Variants in DYNLRB1 observed in about 807,000 individuals in gnomAD.
DYNLRB1 encodes ROBL/LC7-like 1.
DYNLRB1 carries 6 observed loss-of-function variants against 13.5 expected under a neutral mutation model. The observed-to-expected ratio is 0.44, with a 90% CI of 0.24 to 0.88. The LOEUF is 0.88. DYNLRB1 is among the 40% of genes least tolerant of loss of function. DYNLRB1 has a pLI of 0.21. For synonymous variants in DYNLRB1, 43 were observed against 45.0 expected (o/e 0.96, Z 0.18); for missense variants, 93 against 127.2 (o/e 0.73, Z 1.29).
chr20:34,529,716 T>G (rs1980551934), intron 2 of DYNLRB1: 34 of 819,426 alleles, frequency 4.1e-5, no homozygotes, highest in South Asian at 5.0e-5. Flanking sequence ...ACGACAAGAA[T>G]GAAACTCGGT....
At chr20:34,530,196 T>C (rs1207647341) in intron 2 of DYNLRB1, 43 of 1,150,994 alleles carry the variant, frequency 3.7e-5, no homozygotes, top group Non-Finnish European at 4.2e-5. Context: ...GCCAAGCCTT[T>C]TCACTGGGAA....
At chr20:34,519,705 T>A (rs1445682220) in intron 1 of DYNLRB1, among the ~76,000 whole-genome samples, 4 of 152,218 alleles carry the variant, frequency 2.6e-5, no homozygotes, top group Non-Finnish European at 5.9e-5. Flanking sequence ...TTCCAGACAC[T>A]GCTGCAGTAA....
chr20:34,540,742 A>G lies in DYNLRB1; in HGVS notation c.*118A>G. The stretch of plus-strand genomic sequence containing the variant: ...GCTTGGAACCCACTCACACCAATCC[A>G]GTGACCGTGTGTGGGCTGGCGGCTC... On this transcript the variant is annotated 3_prime_UTR_variant, in exon 4 of 4. Transcript: ENST00000357156. 9.5e-7 allele frequency: 1 copy of G among 1,056,162 alleles called. No homozygotes were observed. The highest frequency in any genetic ancestry group is 2.5e-5 in the East Asian group (1 of 39,422). The allele number at this position is 1,056,162 out of a possible 1,614,324, so 65.4% of individuals were successfully genotyped here. A position where few individuals can be genotyped will look rare whatever the true frequency, so the allele number is the denominator to read the frequency against.
rs369115980 is a variant in DYNLRB1 at position 34,516,480 on chromosome 20, C to G, written c.3+19C>G. ...GGAAATGGTGAGCGTGCGCCGGGGT[C>G]TTGTGGCTGGCGGCCGCCCACCACC... On this transcript the variant is annotated intron_variant, in intron 1 of 3. Coordinates refer to ENST00000357156, the MANE Select transcript of DYNLRB1 (RefSeq NM_014183.4). 1.6e-5 allele frequency: 26 copies of G among 1,612,294 alleles called. No individual in the cohort carries two copies. The highest frequency in any genetic ancestry group is 8.0e-5 in the African/African-American group (6 of 74,856).
At chr20:34,524,616 A>T (rs566259604) in intron 1 of DYNLRB1, among the ~76,000 whole-genome samples, 1 of 152,118 alleles carries the variant, frequency 6.6e-6, no homozygotes, top group Non-Finnish European at 1.5e-5. Flanking sequence ...GTTGACTGAC[A>T]TTCGATCTCA....
chr20:34,517,580 G>C (rs1282430404), intron 1 of DYNLRB1, among the ~76,000 whole-genome samples: 2 of 151,488 alleles, frequency 1.3e-5, no homozygotes, highest in African/African-American at 4.9e-5. Context: ...GATCAAATCA[G>C]GCTATATTTA....
At chr20:34,534,522 C>A in intron 2 of DYNLRB1, 106 bp from the exon 3 acceptor site, 1 of 1,359,986 alleles carries the variant, frequency 7.4e-7, no homozygotes, top group Non-Finnish European at 9.9e-7. Context: ...CGGATGGTGG[C>A]ATTGACTGAG....
chr20:34,518,801 TCTTA>T (rs1321147886), intron 1 of DYNLRB1, among the ~76,000 whole-genome samples: 4 of 152,168 alleles, frequency 2.6e-5, no homozygotes, highest in African/African-American at 4.8e-5. Context: ...CCCCCCTTTT[TCTTA>T]CTTAAACTGT....
chr20:34,538,573 A>G (rs1488697518), intron 3 of DYNLRB1, among the ~76,000 whole-genome samples: 1 of 152,204 alleles, frequency 6.6e-6, no homozygotes, highest in Non-Finnish European at 1.5e-5. Context: ...GTATTGTTGC[A>G]TTTAGGGCTT....
Position 34,535,731 on chromosome 20 carries a change from G to A in DYNLRB1, c.247+936G>A, listed in dbSNP as rs117375798. On this transcript the variant is annotated intron_variant, in intron 3 of 3. Transcript: ENST00000357156. Reference sequence around the variant, plus strand: ...ATCTAGGGCATCAGGATGTGAGTGGGGAGGAGTGGGAGGTGAGGCTTTGGT... The same window carrying A: ...ATCTAGGGCATCAGGATGTGAGTGGAGAGGAGTGGGAGGTGAGGCTTTGGT... The A allele has an allele frequency of 3.7e-3, 3,662 of 985,404 alleles. 11 individuals carry two copies. Among genetic ancestry groups the A allele is most frequent in the Non-Finnish European group, 3.9e-3 (3,198 of 829,928 alleles). The allele number at this position is 985,404 out of a possible 1,614,324, so 61.0% of individuals were successfully genotyped here. A position where few individuals can be genotyped will look rare whatever the true frequency, so the allele number is the denominator to read the frequency against.
chr20:34,516,556 A>T (rs536417936), intron 1 of DYNLRB1, 95 bp downstream of exon 1: 85 of 1,578,176 alleles, frequency 5.4e-5, no homozygotes, highest in African/African-American at 2.6e-4. Flanking sequence ...AGAGCTCCGG[A>T]CAGGGAATCG....
chr20:34,518,180 A>G (rs1979415346), intron 1 of DYNLRB1, among the ~76,000 whole-genome samples: 1 of 151,952 alleles, frequency 6.6e-6, no homozygotes, highest in East Asian at 1.9e-4. Context: ...TTGGCCGTAA[A>G]TAAGTGGATT....
intron 3 of DYNLRB1, chr20:34,535,812 A>C (rs761541115): frequency 1.0e-6 from 1 of 985,292 alleles, no homozygotes; most frequent in Non-Finnish European, 1.2e-6. Flanking sequence ...TGATCTTGCA[A>C]GCAGAGGTTT....
intron 3 of DYNLRB1, chr20:34,536,251 G>A (rs1373625109): frequency 2.0e-6 from 2 of 985,278 alleles, no homozygotes; most frequent in African/African-American, 3.5e-5. Flanking sequence ...GCATGACCCT[G>A]GGCAAGTCGC....
intron 3 of DYNLRB1, 32 bp downstream of exon 3, chr20:34,534,827 C>A: frequency 6.2e-7 from 1 of 1,613,814 alleles, no homozygotes; most frequent in Non-Finnish European, 8.5e-7. Flanking sequence ...CATGTAGGAA[C>A]AGACCTCATG....
intron 2 of DYNLRB1, among the ~76,000 whole-genome samples, chr20:34,531,411 C>T: frequency 6.6e-6 from 1 of 152,178 alleles, no homozygotes; most frequent in East Asian, 1.9e-4. Flanking sequence ...CTCAGGTCTC[C>T]TCCAGCTCCA....
At chr20:34,516,207 T>G (rs952498397), upstream of DYNLRB1, among the ~76,000 whole-genome samples, 3 of 152,258 alleles carry the variant, frequency 2.0e-5, no homozygotes, top group African/African-American at 7.2e-5. Context: ...AACCAGCATC[T>G]TTTCTGCACG....
chr20:34,516,708 G>C (rs761311213), intron 1 of DYNLRB1: 1 of 1,529,292 alleles, frequency 6.5e-7, no homozygotes. Flanking sequence ...GCCTCGGCCA[G>C]GAAGAGATGA....
chr20:34,516,586 G>A, intron 1 of DYNLRB1, 125 bp downstream of exon 1: 1 of 1,533,448 alleles, frequency 6.5e-7, no homozygotes. Context: ...GGGCGTGGCC[G>A]GGCCCGGGCC....
Sources: gnomAD v4.1 joint callset for allele counts (sites outside exome capture counted in the v4.1 genomes callset) on GRCh38, gnomAD v4.1.1 for gene constraint, MANE v1.5 for transcripts, NCBI Gene and HGNC (gene_info 2026-07-23, HGNC 2026-07-21) for gene names.